The following SNX29 variants were observed in gnomAD, a reference collection of about 807,000 sequenced individuals.
SNX29 encodes sorting nexin-29.
A neutral mutation model predicts 102.1 loss-of-function variants in SNX29; 78 were observed. The observed-to-expected ratio is 0.76, with a 90% CI of 0.64 to 0.92. The LOEUF (loss-of-function observed/expected upper bound fraction) is 0.92, where lower values mean the gene tolerates loss of function less well. Among genes scored for constraint, SNX29 ranks in the 40% least tolerant of loss-of-function variants. The pLI is 0.00. For synonymous variants in SNX29, 580 were observed against 414.5 expected, an observed-to-expected ratio of 1.40 and a Z score of -4.85; for missense variants, 1,280 against 1,061.7, an observed-to-expected ratio of 1.21 and a Z score of -2.86.
chr16:12,518,511 A>G (rs760007828), intron 19 of SNX29, among the ~76,000 whole-genome samples: 2 of 152,114 alleles, frequency 1.3e-5, no homozygotes, highest in Non-Finnish European at 2.9e-5. Flanking sequence ...GGAGCCAGCT[A>G]AAGCACCAGC....
intron 18 of SNX29, among the ~76,000 whole-genome samples, chr16:12,470,321 G>T (rs2087274651): frequency 6.6e-6 from 1 of 152,212 alleles, no homozygotes; most frequent in Non-Finnish European, 1.5e-5. Context: ...GTGTGTCAGT[G>T]AATGTTTATT....
chr16:12,438,656 C>T (rs1449653428), intron 18 of SNX29, among the ~76,000 whole-genome samples: 4 of 152,236 alleles, frequency 2.6e-5, no homozygotes, highest in Middle Eastern at 3.2e-3. Context: ...TTCAGAACTT[C>T]AGCTCAGAGG....
chr16:12,072,789 A>G (rs971073129), intron 10 of SNX29, among the ~76,000 whole-genome samples: 11 of 151,988 alleles, frequency 7.2e-5, no homozygotes, highest in Non-Finnish European at 8.8e-5. Flanking sequence ...CTGTGAATCC[A>G]TCTGGTCCTG....
intron 13 of SNX29, among the ~76,000 whole-genome samples, chr16:12,187,119 T>C (rs2076530208): frequency 6.6e-6 from 1 of 152,266 alleles, no homozygotes; most frequent in Non-Finnish European, 1.5e-5. Flanking sequence ...TATTCCTGTC[T>C]GCCTGGTTTT....
chr16:12,347,512 G>A (rs1263719886), intron 15 of SNX29, among the ~76,000 whole-genome samples: 2 of 152,162 alleles, frequency 1.3e-5, no homozygotes, highest in African/African-American at 4.8e-5. Flanking sequence ...CTCCCTTCCA[G>A]ACTGCATGAC....
At chr16:12,151,268 C>G (rs1026044429) in intron 13 of SNX29, among the ~76,000 whole-genome samples, 1 of 151,740 alleles carries the variant, frequency 6.6e-6, no homozygotes, top group African/African-American at 2.4e-5. Context: ...ATATATGAAT[C>G]TCTTACAGTA....
At chr16:12,558,258 C>A (rs1189926583) in intron 20 of SNX29, among the ~76,000 whole-genome samples, 2 of 152,048 alleles carry the variant, frequency 1.3e-5, no homozygotes. Context: ...TATCTGAGGT[C>A]TTCTGAAATG....
intron 19 of SNX29, among the ~76,000 whole-genome samples, chr16:12,509,958 G>T (rs1484396642): frequency 6.6e-6 from 1 of 152,252 alleles, no homozygotes; most frequent in Non-Finnish European, 1.5e-5. Flanking sequence ...TCCAGAATAT[G>T]TTGGGTGATT....
At chr16:12,372,151 C>G (rs769196010) in intron 16 of SNX29, among the ~76,000 whole-genome samples, 1 of 152,212 alleles carries the variant, frequency 6.6e-6, no homozygotes, top group Non-Finnish European at 1.5e-5. Flanking sequence ...TACACACACA[C>G]ATGCCTAACG....
At chr16:12,097,207 C>T (rs2052803259) in intron 11 of SNX29, among the ~76,000 whole-genome samples, 1 of 152,254 alleles carries the variant, frequency 6.6e-6, no homozygotes. Context: ...TGTCTGCGAT[C>T]CTGTGAGAGC....
chr16:12,538,434 A>C (rs915236628), intron 20 of SNX29, among the ~76,000 whole-genome samples: 1 of 152,140 alleles, frequency 6.6e-6, no homozygotes, highest in Non-Finnish European at 1.5e-5. Context: ...ATAACTGAGA[A>C]TGGTTACTTG....
At chr16:12,074,837 C>T (rs1334759574) in intron 10 of SNX29, among the ~76,000 whole-genome samples, 1 of 152,170 alleles carries the variant, frequency 6.6e-6, no homozygotes, top group Non-Finnish European at 1.5e-5. Context: ...CATATAGTCC[C>T]ATATTTCTTG....
At chr16:12,131,933 A>C (rs1597003042) in intron 13 of SNX29, among the ~76,000 whole-genome samples, 1 of 152,172 alleles carries the variant, frequency 6.6e-6, no homozygotes, top group East Asian at 1.9e-4. Context: ...GACTGTTATA[A>C]ATAGTGTAAA....
At position 12,425,292 on chromosome 16, in the gene SNX29, G is replaced by A. The variant is rs140319788; in HGVS notation, c.2037+21763G>A. ...CCGCACATGCTAAGAAACCAGGATG[G>A]CAACGTGGATGTGGCGGGTTAAGCA... On this transcript the variant is annotated intron_variant, in intron 18 of 20. Transcript: ENST00000566228. Among the ~76,000 whole-genome samples the A allele has an allele frequency of 1.8e-3, 272 of 152,274 alleles. 2 individuals carry two copies. Among genetic ancestry groups the A allele is most frequent in the African/African-American group, 5.6e-3 (232 of 41,556 alleles).
intron 3 of SNX29, among the ~76,000 whole-genome samples, chr16:12,006,882 G>A (rs976554723): frequency 6.6e-6 from 1 of 152,170 alleles, no homozygotes. Flanking sequence ...GCCACCCAAA[G>A]TGTTGGTATT....
At chr16:12,276,095 G>A (rs962035365) in intron 14 of SNX29, among the ~76,000 whole-genome samples, 5 of 152,006 alleles carry the variant, frequency 3.3e-5, no homozygotes, top group Non-Finnish European at 7.4e-5. Context: ...GTTTCTCCAT[G>A]TTGGCCAGGC....
chr16:12,388,279 G>C (rs2083404456), intron 16 of SNX29, among the ~76,000 whole-genome samples: 1 of 152,174 alleles, frequency 6.6e-6, no homozygotes, highest in African/African-American at 2.4e-5. Context: ...ATGTCACTTA[G>C]CTTCTCTGAG....
At chr16:12,471,023 C>T (rs1272447134) in intron 18 of SNX29, among the ~76,000 whole-genome samples, 1 of 152,170 alleles carries the variant, frequency 6.6e-6, no homozygotes, top group African/African-American at 2.4e-5. Flanking sequence ...GACGTGAACC[C>T]AGGCCTCCCT....
chr16:12,566,313 T>C (rs1180810964), intron 20 of SNX29, among the ~76,000 whole-genome samples: 2 of 152,118 alleles, frequency 1.3e-5, no homozygotes, highest in African/African-American at 4.8e-5. Flanking sequence ...CCAAGCTATG[T>C]CCTCTCCCTA....
Sources: gnomAD v4.1 joint callset for allele counts (sites outside exome capture counted in the v4.1 genomes callset) on GRCh38, gnomAD v4.1.1 for gene constraint, MANE v1.5 for transcripts, NCBI Gene and HGNC (gene_info 2026-07-23, HGNC 2026-07-21) for gene names.